Variants in ZNF496 observed in about 807,000 individuals in gnomAD.
ZNF496 encodes NSD1 (nuclear receptor binding SET-domain containing 1)-interacting zinc finger protein 1.
A neutral mutation model predicts 58.9 loss-of-function variants in ZNF496; 11 were observed. That is an observed-to-expected ratio of 0.19 (90% CI 0.12 to 0.31). The LOEUF (loss-of-function observed/expected upper bound fraction) is 0.31. ZNF496 is among the 10% of genes least tolerant of loss of function. The probability of loss-of-function intolerance (pLI) is 1.00; values close to 1 mark genes in which losing one functional copy is unlikely to be tolerated. For synonymous variants in ZNF496, 338 were observed against 318.2 expected (o/e 1.06, Z -0.66); for missense variants, 660 against 783.0 (o/e 0.84, Z 1.88).
At chr1:247,305,710 T>G (rs1659385474) in intron 9 of ZNF496, among the ~76,000 whole-genome samples, 1 of 152,194 alleles carries the variant, frequency 6.6e-6, no homozygotes. Flanking sequence ...AAAGTTAGAA[T>G]GGGGAAGCTT....
chr1:247,310,640 G>C, intron 6 of ZNF496, 184 bp from the exon 7 acceptor site: 1 of 668,414 alleles, frequency 1.5e-6, no homozygotes, highest in East Asian at 2.8e-5. Flanking sequence ...TGGGTGCCTG[G>C]TGAGGGCCCA....
chr1:247,305,604 T>G (rs1428379149), intron 9 of ZNF496, among the ~76,000 whole-genome samples: 10 of 152,146 alleles, frequency 6.6e-5, no homozygotes, highest in Non-Finnish European at 1.2e-4. Flanking sequence ...TCCTGCGAGC[T>G]GAGGGGATTA....
intron 9 of ZNF496, among the ~76,000 whole-genome samples, chr1:247,305,341 T>C (rs71642404): frequency 0.014 from 2,167 of 152,334 alleles, 27 homozygotes; most frequent in Non-Finnish European, 0.019. Flanking sequence ...TCCTTAGCAA[T>C]AACTGTACAA....
chr1:247,327,081 T>C (rs1660156770), intron 5 of ZNF496, among the ~76,000 whole-genome samples: 1 of 152,118 alleles, frequency 6.6e-6, no homozygotes, highest in Non-Finnish European at 1.5e-5. Context: ...TGTTTTGTTT[T>C]GAGATGGAGT....
chr1:247,327,945 G>A (rs1190572425), intron 5 of ZNF496, among the ~76,000 whole-genome samples: 1 of 152,030 alleles, frequency 6.6e-6, no homozygotes, highest in Non-Finnish European at 1.5e-5. Flanking sequence ...TTAAAGTTTT[G>A]GGCACCTCAG....
intron 9 of ZNF496, chr1:247,304,027 T>C (rs781326821): frequency 2.3e-6 from 1 of 437,756 alleles, no homozygotes; most frequent in Non-Finnish European, 4.5e-6. Flanking sequence ...TTCTGAGTAT[T>C]ATATACCAGC....
Position 247,300,256 on chromosome 1 carries a change from C to G in ZNF496, c.*263G>C, listed in dbSNP as rs1256818512. ...CAAGGGTCTCTAAGACGCAGAACAC[C>G]TGGCATGTCCAACCTGGTGATGGCA... On this transcript the variant is annotated 3_prime_UTR_variant, in exon 10 of 10. Coordinates refer to ENST00000682384, the MANE Select transcript of ZNF496 (RefSeq NM_032752.3). The surrounding 1 kb of genome is among the most constrained non-coding windows in gnomAD (Gnocchi z 5.7). The G allele has an allele frequency of 5.2e-6, 2 of 381,632 alleles. No homozygotes were observed. Among genetic ancestry groups the G allele is most frequent in the Non-Finnish European group, 9.4e-6 (2 of 212,104 alleles). 23.6% of individuals were successfully genotyped at this position (381,632 alleles called of 1,614,324 possible).
chr1:247,308,621 G>A lies in ZNF496; in HGVS notation c.893-33C>T. 6.3e-7 allele frequency: 1 copy of A among 1,591,188 alleles called. No homozygotes were observed. Among genetic ancestry groups the A allele is most frequent in the Non-Finnish European group, 8.6e-7 (1 of 1,159,358 alleles). The stretch of plus-strand genomic sequence containing the variant: ...GAGGAGGAAATGGAAAAATTGATTT[G>A]TTTTGCACCTACAGCACTACCTGGG... On this transcript the variant is annotated intron_variant, in intron 8 of 9. Coordinates refer to ENST00000682384, the MANE Select transcript of ZNF496 (RefSeq NM_032752.3). The surrounding 1 kb of genome is among the most constrained non-coding windows in gnomAD (Gnocchi z 4.5).
At chr1:247,318,335 T>G (rs374558093) in intron 6 of ZNF496, among the ~76,000 whole-genome samples, 1 of 152,094 alleles carries the variant, frequency 6.6e-6, no homozygotes, top group Non-Finnish European at 1.5e-5. Context: ...AAATCTAGCT[T>G]AAGAATTCCC....
chr1:247,302,255 C>T (rs1389323224), intron 9 of ZNF496, among the ~76,000 whole-genome samples: 1 of 151,944 alleles, frequency 6.6e-6, no homozygotes, highest in Non-Finnish European at 1.5e-5. Context: ...CTAGTCAGAG[C>T]AGCTCAGGAC....
At chr1:247,317,350 C>G (rs980579286) in intron 6 of ZNF496, among the ~76,000 whole-genome samples, 10 of 152,212 alleles carry the variant, frequency 6.6e-5, no homozygotes, top group African/African-American at 2.4e-4. Flanking sequence ...AGGACCTGGA[C>G]AGGGGCAGCC....
At position 247,297,822 on chromosome 1, in the gene ZNF496, T is replaced by A. The variant is rs923064563; in HGVS notation, c.*2697A>T. 2.6e-5 allele frequency: 4 copies of A among 151,630 alleles called. No individual in the cohort carries two copies. Among genetic ancestry groups the A allele is most frequent in the African/African-American group, 9.7e-5 (4 of 41,348 alleles). 9.4% of individuals were successfully genotyped at this position (151,630 alleles called of 1,614,324 possible). ...CAATGTGGCCTTCCATTTCCTGAGG[T>A]GCCTTGGTTGGCTCTGGATCAGTGG... On this transcript the variant is annotated 3_prime_UTR_variant, in exon 10 of 10. Transcript: ENST00000682384.
At chr1:247,316,272 A>G (rs1659780253) in intron 6 of ZNF496, among the ~76,000 whole-genome samples, 1 of 148,324 alleles carries the variant, frequency 6.7e-6, no homozygotes, top group East Asian at 2.0e-4. Flanking sequence ...GGAAAAACTG[A>G]GAGTATATAT....
chr1:247,325,620 C>G (rs940848554), intron 5 of ZNF496, among the ~76,000 whole-genome samples: 5 of 152,082 alleles, frequency 3.3e-5, no homozygotes, highest in Non-Finnish European at 7.4e-5. Flanking sequence ...TTCATCTTAC[C>G]TAACGGAAAC....
rs1286751538 is a variant in ZNF496, at chr1:247,329,614, C to G, written c.-36G>C. 1 of 1,518,538 alleles carries G rather than the reference C, an allele frequency of 6.6e-7. No homozygotes were observed. Among genetic ancestry groups the G allele is most frequent in the Non-Finnish European group, 8.8e-7 (1 of 1,137,154 alleles). 94.1% of individuals were successfully genotyped at this position (1,518,538 alleles called of 1,614,324 possible). Reference sequence around the variant, plus strand: ...GATGGGGGTCAGCAGCAGAAGACGACCCTATTTCCAAACAGAAATCACTGG... The same window carrying G: ...GATGGGGGTCAGCAGCAGAAGACGAGCCTATTTCCAAACAGAAATCACTGG... On this transcript the variant is annotated splice_region_variant and 5_prime_UTR_variant, in exon 4 of 10. Transcript: ENST00000682384. This position sits in a 1 kb window ranked among gnomAD's most constrained non-coding sequence, Gnocchi z 5.5.
At chr1:247,317,534 G>A (rs138103282) in intron 6 of ZNF496, among the ~76,000 whole-genome samples, 3 of 151,940 alleles carry the variant, frequency 2.0e-5, no homozygotes, top group Non-Finnish European at 2.9e-5. Flanking sequence ...GGCCAAATGC[G>A]GAGCTGGGAC....
intron 9 of ZNF496, chr1:247,307,996 A>G (rs1316490998): frequency 3.0e-6 from 3 of 985,286 alleles, no homozygotes; most frequent in Non-Finnish European, 3.6e-6. Flanking sequence ...TCCCAGTTCC[A>G]AGATTCTGTG....
chr1:247,310,571 A>G, intron 6 of ZNF496, 115 bp from the exon 7 acceptor site: 2 of 1,380,650 alleles, frequency 1.4e-6, no homozygotes, highest in South Asian at 1.3e-5. Context: ...TCTATACAAC[A>G]GAAATCTGTT....
chr1:247,326,374 C>A (rs1660128858), intron 5 of ZNF496, among the ~76,000 whole-genome samples: 1 of 152,084 alleles, frequency 6.6e-6, no homozygotes, highest in Admixed American at 6.6e-5. Context: ...TCTCATCATA[C>A]CTACTTTGCC....
Sources: allele counts gnomAD v4.1 joint callset (sites outside exome capture counted in the v4.1 genomes callset), GRCh38; gene constraint gnomAD v4.1.1; non-coding constraint Gnocchi (gnomAD v3.1); transcripts MANE v1.5; gene names NCBI Gene and HGNC (gene_info 2026-07-23, HGNC 2026-07-21).